MEAK7: variants seen among roughly 807,000 people sequenced by gnomAD.
MEAK7 encodes the protein MTOR-associated protein MEAK7.
A neutral mutation model predicts 40.5 loss-of-function variants in MEAK7; 68 were observed. That is an observed-to-expected ratio of 1.68 (90% CI 1.38 to 2.06). MEAK7 has a LOEUF of 2.06. MEAK7 is among the 30% of genes most tolerant of loss of function. The pLI, the probability that MEAK7 is intolerant of heterozygous loss-of-function variation, is 0.00. For synonymous variants in MEAK7, 338 were observed against 231.9 expected (o/e 1.46, Z -4.16); for missense variants, 918 against 580.5 (o/e 1.58, Z -5.98).
intron 4 of MEAK7, 128 bp downstream of exon 4, chr16:84,489,150 A>G: frequency 8.1e-7 from 1 of 1,229,232 alleles, no homozygotes. Flanking sequence ...CAAACTAGAA[A>G]ACCTAGAAGA....
At chr16:84,500,600 C>T (rs1047552135) in intron 1 of MEAK7, among the ~76,000 whole-genome samples, 1 of 152,156 alleles carries the variant, frequency 6.6e-6, no homozygotes, top group Non-Finnish European at 1.5e-5. Flanking sequence ...AGGCTGGAAA[C>T]GAGGGCTTAC....
chr16:84,485,421 G>T (rs917708953), intron 5 of MEAK7, among the ~76,000 whole-genome samples: 1 of 152,224 alleles, frequency 6.6e-6, no homozygotes, highest in African/African-American at 2.4e-5. Flanking sequence ...AGCCTCTGCT[G>T]AAAGCTCTCC....
intron 1 of MEAK7, among the ~76,000 whole-genome samples, chr16:84,503,509 T>C (rs1831222474): frequency 6.6e-6 from 1 of 152,232 alleles, no homozygotes; most frequent in African/African-American, 2.4e-5. Flanking sequence ...ATCCCATTGC[T>C]GTGGTCCCTA....
At chr16:84,492,668 A>G (rs1913724154) in intron 3 of MEAK7, among the ~76,000 whole-genome samples, 1 of 151,866 alleles carries the variant, frequency 6.6e-6, no homozygotes, top group Non-Finnish European at 1.5e-5. Context: ...TGCAACCTCC[A>G]CCTCTCGAGT....
chr16:84,489,118 G>C (rs999507842), intron 4 of MEAK7, among the ~76,000 whole-genome samples, 160 bp downstream of exon 4: 4 of 152,164 alleles, frequency 2.6e-5, no homozygotes, highest in African/African-American at 9.7e-5. Context: ...GGGAAAATAA[G>C]GATTATTTTA....
intron 2 of MEAK7, chr16:84,497,585 T>C: frequency 1.5e-6 from 2 of 1,308,444 alleles, no homozygotes; most frequent in Middle Eastern, 2.1e-4. Context: ...CTGATGTTCA[T>C]CTCAAGTTAG....
intron 4 of MEAK7, chr16:84,488,453 AAT>A (rs1913284491): frequency 6.6e-6 from 1 of 152,198 alleles, no homozygotes; most frequent in Non-Finnish European, 1.5e-5. Flanking sequence ...ATTAAATTTA[AAT>A]ATATACTGCT....
rs1431647366 is a variant in MEAK7 at position 84,478,494 on chromosome 16, G to A, written c.*1419C>T. ...AAGGCAAACTATACAATAAGAGGTT[G>A]TATTTTCATCAGATCTGCAAAAGGT... On this transcript the variant is annotated 3_prime_UTR_variant, in exon 8 of 8. Transcript: ENST00000343629. The A allele has an allele frequency of 6.6e-6, 1 of 152,344 alleles. No individual in the cohort carries two copies. The highest frequency in any genetic ancestry group is 2.1e-4 in the South Asian group (1 of 4,828). The allele number at this position is 152,344 out of a possible 1,614,324, so 9.4% of individuals were successfully genotyped here.
intron 3 of MEAK7, 37 bp downstream of exon 3, chr16:84,495,646 G>A (rs1220718102): frequency 3.7e-6 from 6 of 1,603,852 alleles, no homozygotes; most frequent in African/African-American, 1.3e-5. Flanking sequence ...CACCAAGACT[G>A]CTGAGGAGGC....
chr16:84,485,142 G>C (rs1339383698), intron 5 of MEAK7, among the ~76,000 whole-genome samples: 2 of 152,206 alleles, frequency 1.3e-5, no homozygotes, highest in Middle Eastern at 3.2e-3. Context: ...CATGGAGGCA[G>C]GGCAAGGTGG....
Position 84,494,270 on chromosome 16 carries a change from G to A in MEAK7, c.384+1413C>T, listed in dbSNP as rs187990445. ...TCTTTAATGAAAGTGGGGAACTGAA[G>A]AGAGAAAAATGTTTCAAAATAAACC... is the stretch of plus-strand genomic sequence containing the variant. On this transcript the variant is annotated intron_variant, in intron 3 of 7. Coordinates refer to ENST00000343629, the MANE Select transcript of MEAK7 (RefSeq NM_020947.4). Among the ~76,000 whole-genome samples the A allele has an allele frequency of 3.3e-3, 495 of 152,284 alleles. 2 individuals are homozygous for A. The Middle Eastern group carries it at 0.034, about 11-fold the overall frequency.
rs371407199 is a variant in MEAK7 at position 84,495,821 on chromosome 16, G to A, written c.246C>T (p.Pro82=). 5.0e-6 allele frequency: 8 copies of A among 1,614,076 alleles called. No individual in the cohort carries two copies. In the East Asian group the frequency reaches 6.7e-5, roughly 13 times the overall value. ...RVDLTGKAKG[P]SENVSQEQFT... is the part of the protein sequence containing the mutation. ...ACTGCTCCTGGGACACGTTCTCACT[G>A]GGTCCCTTCGCCTTCCCTGTCAGGT... The change falls in exon 3 of 8, where the codon CCC becomes CCT. Residue 82 remains proline (P), a synonymous_variant. Coordinates refer to ENST00000343629, the MANE Select transcript of MEAK7 (RefSeq NM_020947.4).
chr16:84,480,549 C>G lies in MEAK7; in HGVS notation c.1237G>C (p.Asp413His), dbSNP rs1912438231. 1.2e-6 allele frequency: 2 copies of G among 1,612,010 alleles called. No homozygotes were observed. Among genetic ancestry groups the G allele is most frequent in the African/African-American group, 1.3e-5 (1 of 74,892 alleles). Residue 413 changes from aspartate (D) to histidine (H), a missense_variant, in exon 7 of 8, where the codon GAC becomes CAC. Coordinates refer to ENST00000343629, the MANE Select transcript of MEAK7 (RefSeq NM_020947.4). ...CTCACCAACTGCTCCTCTGAGGGGT[C>G]TCCAACCGCCCACACCTCCATCTTA... ...FDKMEVWAVG[D>H]PSEEQLAKGN...
chr16:84,486,570 T>A, intron 5 of MEAK7, 61 bp downstream of exon 5: 2 of 1,522,656 alleles, frequency 1.3e-6, no homozygotes, highest in Non-Finnish European at 1.8e-6. Context: ...CCCTCTCCCT[T>A]TCTCCAGAGC....
In MEAK7 at chr16:84,482,744, C is replaced by T. The variant is rs375164854; in HGVS notation, c.959-34G>A. 1.7e-5 allele frequency: 28 copies of T among 1,611,902 alleles called. No homozygotes were observed. In the African/African-American group the frequency reaches 2.4e-4, roughly 14 times the overall value. On this transcript the variant is annotated intron_variant, in intron 5 of 7. Coordinates refer to ENST00000343629, the MANE Select transcript of MEAK7 (RefSeq NM_020947.4). Reference sequence around the variant, plus strand: ...AGCCAGAGAACAAAACAAACAGGGTCGGTGTCTGAGCCGGTCCCACAGGGC... The same window carrying T: ...AGCCAGAGAACAAAACAAACAGGGTTGGTGTCTGAGCCGGTCCCACAGGGC...
In MEAK7 at chr16:84,482,652, C is replaced by CGT. The variant is rs1263792214; in HGVS notation, c.1015_1016dup (p.Gly340ArgfsTer10). 4.3e-6 allele frequency: 7 copies of CGT among 1,614,020 alleles called. No individual in the cohort carries two copies. The Admixed American group carries it at 8.3e-5, about 19-fold the overall frequency. On this transcript the variant is annotated frameshift_variant, in exon 6 of 8. Transcript: ENST00000343629. LOFTEE classifies it high-confidence loss of function. Reference sequence around the variant, plus strand: ...AGTACATGTAGTGGTCGTTGTAGCCCGTGTGTGTGTACACAGCCATGCTGG... The same window carrying CGT: ...AGTACATGTAGTGGTCGTTGTAGCCCGTGTGTGTGTGTACACAGCCATGCTGG...
rs559395109 is a variant in MEAK7, at chr16:84,489,565, T to C, written c.385-143A>G. 3.5e-4 allele frequency: 347 copies of C among 1,003,208 alleles called. 7 individuals are homozygous for C. The South Asian group carries it at 6.1e-3, about 18-fold the overall frequency. The allele number at this position is 1,003,208 out of a possible 1,614,324, so 62.1% of individuals were successfully genotyped here. ...GGAAAGGTCATGCAATGTATGTAGTTACTCGTTTTTCTAATGATGCACTTG... is the reference window on the plus strand; with the variant it reads ...GGAAAGGTCATGCAATGTATGTAGTCACTCGTTTTTCTAATGATGCACTTG... On this transcript the variant is annotated intron_variant, in intron 3 of 7. Coordinates refer to ENST00000343629, the MANE Select transcript of MEAK7 (RefSeq NM_020947.4).
chr16:84,495,325 A>C (rs759510663), intron 3 of MEAK7, among the ~76,000 whole-genome samples: 2 of 152,206 alleles, frequency 1.3e-5, no homozygotes, highest in African/African-American at 4.8e-5. Flanking sequence ...TCACCTGATC[A>C]TATGTAAAGT....
At position 84,480,643 on chromosome 16, in the gene MEAK7, G is replaced by T. The variant is rs764300816; in HGVS notation, c.1143C>A (p.Ser381Arg). ...ACGTGGTGCACGTGGGCTTGGCTCT[G>T]CTGTGTCCTTTCCCAAAATCAACAT... ...WVDVDFGKGHSRAKPTCTTYN... is the reference protein window; with the variant it reads ...WVDVDFGKGHRRAKPTCTTYN... Residue 381 changes from serine to arginine, a missense_variant, in exon 7 of 8, where the codon AGC becomes AGA. Ser to Arg is a moderately radical substitution (Grantham distance 110). Transcript: ENST00000343629. The T allele has an allele frequency of 6.2e-7, 1 of 1,614,050 alleles. No homozygotes were observed. Among genetic ancestry groups the T allele is most frequent in the Non-Finnish European group, 8.5e-7 (1 of 1,179,976 alleles).
Sources: allele counts gnomAD v4.1 joint callset (sites outside exome capture counted in the v4.1 genomes callset), GRCh38; gene constraint gnomAD v4.1.1; transcripts MANE v1.5; gene names NCBI Gene and HGNC (gene_info 2026-07-23, HGNC 2026-07-21).